The following RRM1 variants were observed in gnomAD, a reference collection of about 807,000 sequenced individuals.
RRM1 encodes the protein ribonucleoside-diphosphate reductase large subunit.
RRM1 carries 19 observed loss-of-function variants against 101.5 expected under a neutral mutation model. The observed-to-expected ratio is 0.19, with a 90% confidence interval of 0.13 to 0.27. The LOEUF is 0.27. Ranked by LOEUF, RRM1 falls within the 10% of genes least tolerant of loss-of-function variation. The pLI is 1.00. For missense variants in RRM1, 500 were observed against 962.9 expected (o/e 0.52, Z 6.36); for synonymous variants, 298 against 323.4 (o/e 0.92, Z 0.84).
intron 1 of RRM1, 103 bp downstream of exon 1, chr11:4,095,134 C>T: frequency 1.4e-5 from 20 of 1,381,642 alleles, no homozygotes; most frequent in Non-Finnish European, 1.9e-5. Context: ...TGCTTCCCGC[C>T]TTTCCCGCAT....
intron 7 of RRM1, among the ~76,000 whole-genome samples, chr11:4,117,911 T>C (rs1193860584): frequency 6.6e-6 from 1 of 152,200 alleles, no homozygotes; most frequent in East Asian, 1.9e-4. Context: ...AAGAATTGGT[T>C]GACAATTGGA....
intron 3 of RRM1, 137 bp downstream of exon 3, chr11:4,106,360 A>G: frequency 1.4e-6 from 1 of 703,426 alleles, no homozygotes; most frequent in South Asian, 1.8e-5. Context: ...GCAATTTGGG[A>G]GGCCAAGGCA....
In RRM1 at chr11:4,121,732, G is replaced by T. The variant is rs144644370; in HGVS notation, c.1005G>T (p.Pro335=). ...ATCTTTTCTTTGCTCTTTGGATTCCGGATCTCTTCATGAAACGAGTGGAGA... is the reference window on the plus strand; with the variant it reads ...ATCTTTTCTTTGCTCTTTGGATTCCTGATCTCTTCATGAAACGAGTGGAGA... ...ARDLFFALWI[P]DLFMKRVETN... Residue 335 remains proline, a synonymous_variant, in exon 10 of 19, where the codon CCG becomes CCT. Transcript: ENST00000300738. 6.7e-5 allele frequency: 108 copies of T among 1,612,636 alleles called. No homozygotes were observed. The highest frequency in any genetic ancestry group is 8.4e-5 in the Non-Finnish European group (99 of 1,179,582).
chr11:4,109,889 A>C (rs2133295106), intron 5 of RRM1, among the ~76,000 whole-genome samples, 186 bp downstream of exon 5: 1 of 152,336 alleles, frequency 6.6e-6, no homozygotes, highest in East Asian at 1.9e-4. Context: ...ATCTATTTGC[A>C]GTTTTTGAAT....
At chr11:4,102,139 T>C (rs2133287109) in intron 2 of RRM1, 58 bp downstream of exon 2, 2 of 896,540 alleles carry the variant, frequency 2.2e-6, no homozygotes, top group Non-Finnish European at 1.9e-6. Flanking sequence ...TTTCCATTTG[T>C]CTCTTATCCC....
At chr11:4,131,508 T>C (rs2133321463) in intron 15 of RRM1, among the ~76,000 whole-genome samples, 1 of 152,274 alleles carries the variant, frequency 6.6e-6, no homozygotes, top group East Asian at 1.9e-4. Flanking sequence ...AAACAAGTAG[T>C]TAAGGTATAC....
chr11:4,123,616 A>G (rs539207540), intron 12 of RRM1, among the ~76,000 whole-genome samples: 1 of 152,330 alleles, frequency 6.6e-6, no homozygotes, highest in East Asian at 1.9e-4. Flanking sequence ...TTATACACAC[A>G]TCACTGTAAT....
intron 5 of RRM1, among the ~76,000 whole-genome samples, 185 bp downstream of exon 5, chr11:4,109,888 C>T (rs561624684): frequency 3.3e-5 from 5 of 152,262 alleles, no homozygotes; most frequent in Non-Finnish European, 5.9e-5. Flanking sequence ...TATCTATTTG[C>T]AGTTTTTGAA....
In RRM1 at chr11:4,135,137, T is replaced by A. The variant is rs2094607052; in HGVS notation, c.2057T>A (p.Ile686Asn). 1 of 1,613,240 alleles carries A rather than the reference T, an allele frequency of 6.2e-7. No individual in the cohort carries two copies. The highest frequency in any genetic ancestry group is 8.5e-7 in the Non-Finnish European group (1 of 1,179,648). The change falls in exon 18 of 19, where the codon ATC becomes AAC. Residue 686 changes from isoleucine (I) to asparagine (N), a missense_variant. Physicochemically the swap from Ile to Asn is moderately radical, Grantham distance 149. Around this residue, in one of 9 missense-constraint regions of RRM1, gnomAD observed 79 missense variants for 176.4 expected, o/e 0.45. Coordinates refer to ENST00000300738, the MANE Select transcript of RRM1 (RefSeq NM_001033.5). ...LKQLYKTVWEISQKTVLKMAA... is the reference protein window; with the variant it reads ...LKQLYKTVWENSQKTVLKMAA... ...CAACTTTATAAAACTGTGTGGGAAATCTCTCAGAAAACTGTTCTCAAGATG... is the reference window on the plus strand; with the variant it reads ...CAACTTTATAAAACTGTGTGGGAAAACTCTCAGAAAACTGTTCTCAAGATG...
upstream of RRM1, chr11:4,094,732 C>G: frequency 1.8e-6 from 1 of 547,986 alleles, no homozygotes; most frequent in South Asian, 2.3e-5. Flanking sequence ...CGTCGCCTGT[C>G]AGTCTGTGAA....
In RRM1 at chr11:4,138,785, T is replaced by G. The variant is rs2094619266; in HGVS notation, c.*402T>G. ...ACTGGTGGGTCTCTAGAAGCAAAAC[T>G]GAGTGATAACTCATGAGAAGTACTG... On this transcript the variant is annotated 3_prime_UTR_variant, in exon 19 of 19. Transcript: ENST00000300738. The G allele has an allele frequency of 4.8e-6, 1 of 207,816 alleles. No individual in the cohort carries two copies. Among genetic ancestry groups the G allele is most frequent in the Admixed American group, 5.9e-5 (1 of 16,890 alleles). The allele number at this position is 207,816 out of a possible 1,614,324, so 12.9% of individuals were successfully genotyped here. A position where few individuals can be genotyped will look rare whatever the true frequency, so the allele number is the denominator to read the frequency against.
chr11:4,100,559 A>C (rs995890901), intron 1 of RRM1, among the ~76,000 whole-genome samples: 1 of 152,210 alleles, frequency 6.6e-6, no homozygotes, highest in Non-Finnish European at 1.5e-5. Flanking sequence ...TGGATTAAGG[A>C]TACTCAGCCT....
chr11:4,117,095 C>G (rs1470077245), intron 7 of RRM1, among the ~76,000 whole-genome samples: 2 of 151,928 alleles, frequency 1.3e-5, no homozygotes, highest in Non-Finnish European at 2.9e-5. Flanking sequence ...TTAAACTGTG[C>G]AATAGGAAAA....
Position 4,109,657 on chromosome 11 carries a change from C to T in RRM1, c.401C>T (p.Ala134Val). 4 of 1,609,222 alleles carry T rather than the reference C, an allele frequency of 2.5e-6. No individual in the cohort carries two copies. Among genetic ancestry groups the T allele is most frequent in the Non-Finnish European group, 3.4e-6 (4 of 1,177,642 alleles). ...VLANKDRLNS[A>V]IIYDRDFSYN... ...CACCCCTATCAGCGCCTGAATTCTGCTATTATCTATGACCGAGATTTCTCT... is the reference window on the plus strand; with the variant it reads ...CACCCCTATCAGCGCCTGAATTCTGTTATTATCTATGACCGAGATTTCTCT... Residue 134 changes from alanine (A) to valine (V), a missense_variant, in exon 5 of 19, where the codon GCT becomes GTT. By Grantham distance (64) the Ala-to-Val change is moderately conservative. Around this residue, in one of 9 missense-constraint regions of RRM1, gnomAD observed 111 missense variants for 219.8 expected, o/e 0.51. Transcript: ENST00000300738.
chr11:4,101,544 C>T, intron 1 of RRM1, among the ~76,000 whole-genome samples: 1 of 112,506 alleles, frequency 8.9e-6, no homozygotes, highest in East Asian at 2.7e-4. Flanking sequence ...GAACTCCTGA[C>T]CTCCAGTGAT....
At chr11:4,126,860 G>A in intron 13 of RRM1, 27 bp downstream of exon 13, 3 of 1,560,186 alleles carry the variant, frequency 1.9e-6, no homozygotes, top group Non-Finnish European at 2.6e-6. Context: ...CTGCTTATTG[G>A]TAATTATTGA....
At chr11:4,129,944 C>G (rs2094596301) in intron 15 of RRM1, among the ~76,000 whole-genome samples, 1 of 150,582 alleles carries the variant, frequency 6.6e-6, no homozygotes, top group South Asian at 2.1e-4. Flanking sequence ...CTAATACTGC[C>G]TCCCCCAGAA....
chr11:4,101,568 C>CCG lies in RRM1; in HGVS notation c.20-425_20-424insCG, dbSNP rs1554973359. Reference sequence around the variant, plus strand: ...ACCTCCAGTGATCCACACCCCCCCCCGCTCCCTTGGCCTCCCAAAGTGCTG... The same window carrying CCG: ...ACCTCCAGTGATCCACACCCCCCCCCCGGCTCCCTTGGCCTCCCAAAGTGCTG... On this transcript the variant is annotated intron_variant, in intron 1 of 18. Transcript: ENST00000300738. Among the ~76,000 whole-genome samples the CCG allele has an allele frequency of 5.1e-5, 7 of 137,866 alleles. 2 individuals are homozygous for CCG. The highest frequency in any genetic ancestry group is 2.0e-4 in the African/African-American group (7 of 35,048). The allele number at this position is 137,866 out of a possible 152,430, so 90.4% of individuals were successfully genotyped here. A position where few individuals can be genotyped will look rare whatever the true frequency, so the allele number is the denominator to read the frequency against.
chr11:4,130,086 A>ATATATATTTTTTTTTTT (rs1202870487), intron 15 of RRM1, among the ~76,000 whole-genome samples: 4 of 99,446 alleles, frequency 4.0e-5, no homozygotes, highest in African/African-American at 2.1e-4. Context: ...ATATATATAT[A>ATATATATTTTTTTTTTT]TTTTTTTTTT....
Sources: allele counts gnomAD v4.1 joint callset (sites outside exome capture counted in the v4.1 genomes callset), GRCh38; gene constraint gnomAD v4.1.1; regional missense constraint gnomAD v4.1.1; transcripts MANE v1.5; gene names NCBI Gene and HGNC (gene_info 2026-07-23, HGNC 2026-07-21).